Variants in CCNF observed in about 807,000 individuals in gnomAD.
CCNF encodes cyclin F.
A neutral mutation model predicts 85.4 loss-of-function variants in CCNF; 30 were observed. That is an observed-to-expected ratio of 0.35 (90% CI 0.26 to 0.48). The LOEUF (loss-of-function observed/expected upper bound fraction) is 0.48, where lower values mean the gene tolerates loss of function less well. CCNF is among the 20% of genes least tolerant of loss of function. CCNF has a pLI of 0.99. For synonymous variants in CCNF, 439 were observed against 425.1 expected, an observed-to-expected ratio of 1.03 and a Z score of -0.40; for missense variants, 919 against 1,010.4, an observed-to-expected ratio of 0.91 and a Z score of 1.23.
chr16:2,442,418 TAA>T, intron 8 of CCNF, among the ~76,000 whole-genome samples: 1 of 69,182 alleles, frequency 1.4e-5, no homozygotes, highest in Non-Finnish European at 2.3e-5. Flanking sequence ...TAATATTATA[TAA>T]TATAATATTA....
intron 3 of CCNF, among the ~76,000 whole-genome samples, chr16:2,435,375 A>C (rs1296428922): frequency 1.3e-5 from 2 of 151,986 alleles, no homozygotes; most frequent in African/African-American, 4.8e-5. Flanking sequence ...TCTGGAATTC[A>C]AGACTAGCCT....
chr16:2,430,677 C>T (rs1328082631), intron 1 of CCNF, among the ~76,000 whole-genome samples: 2 of 152,174 alleles, frequency 1.3e-5, no homozygotes, highest in African/African-American at 2.4e-5. Context: ...GAAAACCAGA[C>T]TCTTCAAGCC....
rs1371900565 is a variant in CCNF at position 2,433,004 on chromosome 16, T to C, written c.215T>C (p.Val72Ala). ...LKDLVDNHAS[V>A]WACASFQELW... is the part of the protein sequence containing the mutation. Reference sequence around the variant, plus strand: ...GACCTGGTGGACAACCACGCCAGTGTGTGGGCATGTGCCAGCTTCCAGGAG... The same window carrying C: ...GACCTGGTGGACAACCACGCCAGTGCGTGGGCATGTGCCAGCTTCCAGGAG... Residue 72 changes from valine to alanine, a missense_variant, in exon 3 of 17, where the codon GTG becomes GCG. By Grantham distance (64) the Val-to-Ala change is moderately conservative (BLOSUM62 0). Transcript: ENST00000397066. The C allele has an allele frequency of 1.4e-5, 22 of 1,611,440 alleles. No individual in the cohort carries two copies. The highest frequency in any genetic ancestry group is 1.9e-5 in the Non-Finnish European group (22 of 1,177,908).
At chr16:2,449,042 G>GGGGGGGTGCC in intron 11 of CCNF, 64 bp downstream of exon 11, 1 of 683,618 alleles carries the variant, frequency 1.5e-6, no homozygotes, top group Non-Finnish European at 2.7e-6. Context: ...GTGGGGGTGG[G>GGGGGGGTGCC]CATTCAGCTT....
At chr16:2,446,008 G>C (rs1306019678) in intron 10 of CCNF, among the ~76,000 whole-genome samples, 1 of 152,146 alleles carries the variant, frequency 6.6e-6, no homozygotes, top group Non-Finnish European at 1.5e-5. Context: ...GGGATTACAG[G>C]CACAAGCCAC....
At chr16:2,443,854 AG>A in intron 9 of CCNF, 54 bp downstream of exon 9, 1 of 1,554,886 alleles carries the variant, frequency 6.4e-7, no homozygotes, top group Non-Finnish European at 8.8e-7. Flanking sequence ...GCCAGCCTCC[AG>A]GGGAAGGGAG....
rs1285258366 is a variant in CCNF, at chr16:2,455,671, T to C, written c.1885+107T>C. The C allele has an allele frequency of 2.1e-6, 3 of 1,437,626 alleles. No homozygotes were observed. In the East Asian group the frequency reaches 7.6e-5, roughly 36 times the overall value. 89.1% of individuals were successfully genotyped at this position (1,437,626 alleles called of 1,614,324 possible). On this transcript the variant is annotated intron_variant, in intron 16 of 16. Transcript: ENST00000397066. ...GTGCGAGCGCTGTGGGAGGAAGATG[T>C]GCACAGAGTGCGGGGTGGGGCCAGC...
intron 8 of CCNF, among the ~76,000 whole-genome samples, chr16:2,441,511 A>G (rs2141820369): frequency 6.6e-6 from 1 of 151,822 alleles, no homozygotes; most frequent in Middle Eastern, 3.4e-3. Context: ...TCACATTTAT[A>G]ATCCCAACAC....
At chr16:2,455,625 G>C in intron 16 of CCNF, 61 bp downstream of exon 16, 1 of 1,524,234 alleles carries the variant, frequency 6.6e-7, no homozygotes, top group Non-Finnish European at 8.9e-7. Context: ...TCTCACCGAG[G>C]GCCTCTGGGC....
chr16:2,449,167 C>T (rs745649290), intron 11 of CCNF, 115 bp from the exon 12 acceptor site: 34 of 1,442,888 alleles, frequency 2.4e-5, no homozygotes, highest in Non-Finnish European at 3.0e-5. Context: ...GTGCGCTACG[C>T]GTGCAGCATC....
intron 4 of CCNF, chr16:2,436,816 G>A (rs954071216): frequency 7.1e-5 from 16 of 226,346 alleles, no homozygotes; most frequent in East Asian, 9.2e-5. Flanking sequence ...GGGGTCAGGC[G>A]GTGGTTCCCA....
At chr16:2,454,394 G>C (rs2065412830) in intron 15 of CCNF, among the ~76,000 whole-genome samples, 1 of 152,206 alleles carries the variant, frequency 6.6e-6, no homozygotes, top group Admixed American at 6.5e-5. Context: ...TCATCACGAG[G>C]AAAGTCCATG....
chr16:2,447,678 G>A (rs918211549), intron 10 of CCNF, among the ~76,000 whole-genome samples: 1 of 152,042 alleles, frequency 6.6e-6, no homozygotes, highest in Non-Finnish European at 1.5e-5. Flanking sequence ...TTGAACCTGG[G>A]AGGCGGAGGT....
Position 2,456,861 on chromosome 16 carries a change from G to T in CCNF, c.2202G>T (p.Ser734=). 1 of 1,614,040 alleles carries T rather than the reference G, an allele frequency of 6.2e-7. No individual in the cohort carries two copies. The highest frequency in any genetic ancestry group is 8.5e-7 in the Non-Finnish European group (1 of 1,180,018). ...PTSVLSLDSD[S]HTQPCHHQAR... Reference sequence around the variant, plus strand: ...CAGTGCTGTCCCTGGACAGTGACTCGCACACACAGCCCTGCCACCATCAGG... The same window carrying T: ...CAGTGCTGTCCCTGGACAGTGACTCTCACACACAGCCCTGCCACCATCAGG... The change falls in exon 17 of 17, where the codon TCG becomes TCT. Residue 734 remains serine (S), a synonymous_variant. Transcript: ENST00000397066. The surrounding 1 kb of genome is among the most constrained non-coding windows in gnomAD (Gnocchi z 4.5).
intron 9 of CCNF, 119 bp downstream of exon 9, chr16:2,443,919 T>G (rs1262871202): frequency 4.9e-6 from 4 of 811,266 alleles, no homozygotes; most frequent in Non-Finnish European, 5.3e-6. Flanking sequence ...AGTTCCCTTA[T>G]CACCCTTTTT....
intron 8 of CCNF, among the ~76,000 whole-genome samples, chr16:2,440,796 A>AT (rs1212764602): frequency 6.6e-6 from 1 of 151,670 alleles, no homozygotes; most frequent in Non-Finnish European, 1.5e-5. Flanking sequence ...CAGTCTACAG[A>AT]TTTACAAGAA....
chr16:2,438,725 G>T (rs1312655326), intron 6 of CCNF, among the ~76,000 whole-genome samples: 1 of 152,026 alleles, frequency 6.6e-6, no homozygotes, highest in East Asian at 1.9e-4. Context: ...GGCCGGTCAT[G>T]GTGGCTCATT....
At chr16:2,440,606 A>C (rs2065316060) in intron 8 of CCNF, among the ~76,000 whole-genome samples, 1 of 152,114 alleles carries the variant, frequency 6.6e-6, no homozygotes, top group Non-Finnish European at 1.5e-5. Flanking sequence ...AGGAAAAAAA[A>C]AGTTGTCAGG....
chr16:2,443,726 G>A lies in CCNF; in HGVS notation c.855G>A (p.Gln285=), dbSNP rs1359460890. 4 of 1,614,022 alleles carry A rather than the reference G, an allele frequency of 2.5e-6. No individual in the cohort carries two copies. The highest frequency in any genetic ancestry group is 1.3e-5 in the African/African-American group (1 of 74,920). ...EVRASSEIVC[Q]LFQASQAVSK... is the part of the protein sequence containing the mutation. Reference sequence around the variant, plus strand: ...GAGCTTCCAGTGAGATCGTCTGCCAGCTATTTCAGGCTTCCCAGGCTGTCA... The same window carrying A: ...GAGCTTCCAGTGAGATCGTCTGCCAACTATTTCAGGCTTCCCAGGCTGTCA... The change falls in exon 9 of 17, where the codon CAG becomes CAA. Residue 285 remains glutamine (Q), a synonymous_variant. Transcript: ENST00000397066.
Sources: allele counts gnomAD v4.1 joint callset (sites outside exome capture counted in the v4.1 genomes callset), GRCh38; gene constraint gnomAD v4.1.1; non-coding constraint Gnocchi (gnomAD v3.1); transcripts MANE v1.5; gene names NCBI Gene and HGNC (gene_info 2026-07-23, HGNC 2026-07-21).